Variants in PALLD observed in about 807,000 individuals in gnomAD.
PALLD encodes the protein palladin, cytoskeletal associated protein, also known as palladin.
PALLD carries 61 observed loss-of-function variants against 123.5 expected under a neutral mutation model. The ratio of observed to expected loss-of-function variants is 0.49; its 90% CI spans 0.40 to 0.61. The LOEUF (loss-of-function observed/expected upper bound fraction) is 0.61, where lower values mean the gene tolerates loss of function less well. Ranked by LOEUF, PALLD falls within the 20% of genes least tolerant of loss-of-function variation. The pLI is 0.00. For missense variants in PALLD, 1,273 were observed against 1,377.0 expected, an observed-to-expected ratio of 0.92 and a Z score of 1.20; for synonymous variants, 465 against 496.4, an observed-to-expected ratio of 0.94 and a Z score of 0.84.
chr4:168,717,955 C>T (rs1034992054), intron 10 of PALLD, among the ~76,000 whole-genome samples: 1 of 152,194 alleles, frequency 6.6e-6, no homozygotes, highest in Non-Finnish European at 1.5e-5. Context: ...CATTTTCACT[C>T]TCTAGTACAT....
intron 15 of PALLD, among the ~76,000 whole-genome samples, chr4:168,909,170 C>A (rs571021990): frequency 2.0e-5 from 3 of 152,154 alleles, no homozygotes; most frequent in Admixed American, 2.0e-4. Context: ...TTAAGAACAA[C>A]GACATCTAAA....
At chr4:168,678,850 G>T (rs993881932) in intron 3 of PALLD, among the ~76,000 whole-genome samples, 11 of 150,676 alleles carry the variant, frequency 7.3e-5, no homozygotes, top group African/African-American at 2.2e-4. Context: ...TGTGTGGTGT[G>T]TGTGGTGTGT....
At chr4:168,546,865 T>A (rs909568741) in intron 2 of PALLD, among the ~76,000 whole-genome samples, 1 of 152,224 alleles carries the variant, frequency 6.6e-6, no homozygotes, top group Non-Finnish European at 1.5e-5. Flanking sequence ...GTTTACATTA[T>A]GTATTTCAAT....
chr4:168,776,035 T>C (rs1275947062), intron 10 of PALLD, among the ~76,000 whole-genome samples: 1 of 152,234 alleles, frequency 6.6e-6, no homozygotes, highest in African/African-American at 2.4e-5. Context: ...CATTTCTCTA[T>C]AGATTTTTGA....
At chr4:168,594,729 T>C (rs147118724) in intron 2 of PALLD, among the ~76,000 whole-genome samples, 204 of 152,308 alleles carry the variant, frequency 1.3e-3, no homozygotes, top group African/African-American at 4.5e-3. Flanking sequence ...CTGACAGTTA[T>C]TAGGCTCCTG....
intron 12 of PALLD, 152 bp downstream of exon 12, chr4:168,894,829 T>C: frequency 7.9e-7 from 1 of 1,267,504 alleles, no homozygotes. Flanking sequence ...ACCTCACAGC[T>C]AATTTTTATT....
chr4:168,757,020 G>A lies in PALLD; in HGVS notation c.1964+45097G>A, dbSNP rs78204458. 0.015 allele frequency among the ~76,000 whole-genome samples: 2,251 copies of A among 152,298 alleles called. 84 individuals are homozygous for A. The East Asian group carries it at 0.17, about 12-fold the overall frequency. On this transcript the variant is annotated intron_variant, in intron 10 of 21. Coordinates refer to ENST00000505667, the MANE Select transcript of PALLD (RefSeq NM_001166108.2). ...ATCCATTTTATCCATGCTACAGAGT[G>A]TCCAAAACAAATGAGGACCGAGAAT...
intron 10 of PALLD, among the ~76,000 whole-genome samples, chr4:168,800,016 T>C (rs1423919791): frequency 6.6e-6 from 1 of 152,178 alleles, no homozygotes; most frequent in African/African-American, 2.4e-5. Flanking sequence ...AGATACTTTG[T>C]TGTCCCTAAA....
intron 2 of PALLD, among the ~76,000 whole-genome samples, chr4:168,645,424 G>A (rs1261421183): frequency 6.6e-6 from 1 of 152,154 alleles, no homozygotes; most frequent in African/African-American, 2.4e-5. Context: ...GAACAGCGTC[G>A]TGCCATCCAC....
At chr4:168,854,707 A>G (rs771426958) in intron 10 of PALLD, among the ~76,000 whole-genome samples, 2 of 152,192 alleles carry the variant, frequency 1.3e-5, no homozygotes, top group Non-Finnish European at 2.9e-5. Context: ...TCTACTATAT[A>G]TAGTAACGAC....
At chr4:168,679,031 G>A (rs1257814099) in intron 3 of PALLD, among the ~76,000 whole-genome samples, 12 of 146,470 alleles carry the variant, frequency 8.2e-5, no homozygotes, top group East Asian at 2.1e-4. Context: ...AGTGTGTGGT[G>A]TGTGTGTGTG....
chr4:168,850,695 CT>C (rs1747647371), intron 10 of PALLD, among the ~76,000 whole-genome samples: 1 of 151,732 alleles, frequency 6.6e-6, no homozygotes, highest in African/African-American at 2.4e-5. Flanking sequence ...CCACACCTGG[CT>C]AATTTTTTTA....
intron 3 of PALLD, among the ~76,000 whole-genome samples, chr4:168,676,647 G>A (rs377355052): frequency 5.9e-5 from 9 of 151,506 alleles, no homozygotes; most frequent in South Asian, 4.2e-4. Context: ...GTGTGGTGGC[G>A]TGATCTCGGC....
At chr4:168,811,025 G>A (rs1225355446) in intron 10 of PALLD, among the ~76,000 whole-genome samples, 2 of 152,094 alleles carry the variant, frequency 1.3e-5, no homozygotes, top group Admixed American at 6.6e-5. Flanking sequence ...GTAAGCTGAC[G>A]GAGATCTCCT....
intron 2 of PALLD, among the ~76,000 whole-genome samples, chr4:168,666,035 C>T (rs1263616653): frequency 6.6e-6 from 1 of 151,092 alleles, no homozygotes; most frequent in East Asian, 1.9e-4. Flanking sequence ...TCACAAAATA[C>T]TCTTCTTCTT....
chr4:168,548,666 G>C (rs1361821106), intron 2 of PALLD, among the ~76,000 whole-genome samples: 1 of 152,102 alleles, frequency 6.6e-6, no homozygotes, highest in Non-Finnish European at 1.5e-5. Context: ...AGTAAGGAGA[G>C]TTGAAGTTCA....
chr4:168,878,609 T>C (rs1020726028), intron 10 of PALLD, among the ~76,000 whole-genome samples: 6 of 150,996 alleles, frequency 4.0e-5, no homozygotes, highest in African/African-American at 1.5e-4. Flanking sequence ...ATCAGAACTT[T>C]TTCCTCTGAA....
intron 10 of PALLD, among the ~76,000 whole-genome samples, chr4:168,749,291 TA>T (rs994865016): frequency 5.3e-5 from 8 of 152,016 alleles, no homozygotes; most frequent in African/African-American, 1.9e-4. Context: ...ATGAGATGAA[TA>T]AACCTGTTTT....
At chr4:168,806,109 C>A (rs1309786689) in intron 10 of PALLD, among the ~76,000 whole-genome samples, 1 of 152,190 alleles carries the variant, frequency 6.6e-6, no homozygotes, top group Non-Finnish European at 1.5e-5. Flanking sequence ...GTCACCCAGG[C>A]TGGAATGCAA....
Sources: gnomAD v4.1 joint callset for allele counts (sites outside exome capture counted in the v4.1 genomes callset) on GRCh38, gnomAD v4.1.1 for gene constraint, MANE v1.5 for transcripts, NCBI Gene and HGNC (gene_info 2026-07-23, HGNC 2026-07-21) for gene names.